Variants in NELL2 observed in about 807,000 individuals in gnomAD.
NELL2 encodes protein kinase C-binding protein NELL2.
In NELL2, 41 loss-of-function variants were observed where a neutral mutation model predicts 109.6. That is an observed-to-expected ratio of 0.37 (90% CI 0.29 to 0.49). The LOEUF is 0.49. Ranked by LOEUF, NELL2 falls within the 20% of genes least tolerant of loss-of-function variation. NELL2 has a pLI of 0.98. For synonymous variants in NELL2, 355 were observed against 344.7 expected, an observed-to-expected ratio of 1.03 and a Z score of -0.33; for missense variants, 900 against 1,008.3, an observed-to-expected ratio of 0.89 and a Z score of 1.45.
upstream of NELL2, among the ~76,000 whole-genome samples, chr12:44,917,486 T>C (rs1424508273): frequency 6.6e-6 from 1 of 152,222 alleles, no homozygotes; most frequent in Non-Finnish European, 1.5e-5. Flanking sequence ...CATGTCTTCC[T>C]GAGCCTTCTC....
At position 44,744,800 on chromosome 12, in the gene NELL2, G is replaced by A. The variant is rs534600621; in HGVS notation, c.994+29947C>T. On this transcript the variant is annotated intron_variant, in intron 9 of 19. Transcript: ENST00000429094. ...GACCAATAACAGGCTCTGAAATTAAGGCAATAATCAATAGCTTACCAACCA... is the reference window on the plus strand; with the variant it reads ...GACCAATAACAGGCTCTGAAATTAAAGCAATAATCAATAGCTTACCAACCA... Among the ~76,000 whole-genome samples, 846 of 152,270 alleles carry A rather than the reference G, an allele frequency of 5.6e-3. 3 individuals are homozygous for A. Among genetic ancestry groups the A allele is most frequent in the Non-Finnish European group, 9.2e-3 (625 of 68,020 alleles).
At position 44,564,908 on chromosome 12, in the gene NELL2, C is replaced by G. The variant is rs145385949; in HGVS notation, c.1664-32187G>C. On this transcript the variant is annotated intron_variant, in intron 15 of 19. Coordinates refer to ENST00000429094, the MANE Select transcript of NELL2 (RefSeq NM_001145108.2). Reference sequence around the variant, plus strand: ...TCAACCCATGCACATTTGGAAGCTCCGCTTGAGAGTTAAACATTGAAAACA... The same window carrying G: ...TCAACCCATGCACATTTGGAAGCTCGGCTTGAGAGTTAAACATTGAAAACA... 5.0e-3 allele frequency among the ~76,000 whole-genome samples: 758 copies of G among 152,250 alleles called. 5 individuals are homozygous for G. The highest frequency in any genetic ancestry group is 8.2e-3 in the Non-Finnish European group (559 of 68,008).
chr12:44,607,792 G>T (rs894591075), intron 14 of NELL2, among the ~76,000 whole-genome samples: 4 of 152,064 alleles, frequency 2.6e-5, no homozygotes, highest in African/African-American at 9.7e-5. Flanking sequence ...AAATTCATTA[G>T]AGTGGTCTTC....
chr12:44,798,540 A>G (rs1942712065), intron 3 of NELL2, among the ~76,000 whole-genome samples: 1 of 152,196 alleles, frequency 6.6e-6, no homozygotes, highest in Non-Finnish European at 1.5e-5. Context: ...AAAGAAATTA[A>G]TGTTCTCTAT....
intron 2 of NELL2, among the ~76,000 whole-genome samples, chr12:44,817,792 C>T (rs899072453): frequency 2.0e-5 from 3 of 152,062 alleles, no homozygotes; most frequent in African/African-American, 7.2e-5. Context: ...ATAAAACAAA[C>T]AAACAAACAA....
At chr12:44,751,459 A>G (rs535378840) in intron 9 of NELL2, among the ~76,000 whole-genome samples, 1 of 152,294 alleles carries the variant, frequency 6.6e-6, no homozygotes, top group East Asian at 1.9e-4. Flanking sequence ...TATTCATCAA[A>G]ATCTAGTATT....
intron 2 of NELL2, among the ~76,000 whole-genome samples, chr12:44,837,082 C>T (rs1944076097): frequency 1.3e-5 from 2 of 152,182 alleles, no homozygotes; most frequent in Non-Finnish European, 2.9e-5. Context: ...ACATAGTGAG[C>T]ATTTTATCAA....
chr12:44,689,691 A>G (rs1306014146), intron 12 of NELL2, among the ~76,000 whole-genome samples: 1 of 152,216 alleles, frequency 6.6e-6, no homozygotes, highest in African/African-American at 2.4e-5. Context: ...ACTGAGAGCA[A>G]TTTTGCTCTT....
rs575714485 is a variant in NELL2, at chr12:44,821,878, C to T, written c.185-5742G>A. On this transcript the variant is annotated intron_variant, in intron 2 of 19. Coordinates refer to ENST00000429094, the MANE Select transcript of NELL2 (RefSeq NM_001145108.2). ...AACTACAAGTGTGCACCACCACGCC[C>T]GGCTGGTTTTATTTATTTATTTATT... Among the ~76,000 whole-genome samples the T allele has an allele frequency of 7.5e-5, 11 of 147,338 alleles. No homozygotes were observed. The South Asian group carries it at 1.6e-3, about 21-fold the overall frequency.
intron 19 of NELL2, among the ~76,000 whole-genome samples, chr12:44,517,457 A>C (rs1941331949): frequency 6.8e-6 from 1 of 147,026 alleles, no homozygotes; most frequent in Admixed American, 6.9e-5. Context: ...CCTTCCCCGA[A>C]GCAGACCATG....
intron 1 of NELL2, among the ~76,000 whole-genome samples, chr12:44,891,905 C>G (rs1460687082): frequency 2.6e-5 from 4 of 152,214 alleles, no homozygotes; most frequent in Non-Finnish European, 5.9e-5. Context: ...GCTAATTATG[C>G]AAATATATTT....
chr12:44,902,519 C>T (rs969653282), intron 1 of NELL2, among the ~76,000 whole-genome samples: 3 of 152,116 alleles, frequency 2.0e-5, no homozygotes, highest in African/African-American at 7.2e-5. Context: ...ATCAAGCTAC[C>T]ATTGACTTTC....
At chr12:44,672,952 G>A (rs615760) in intron 12 of NELL2, among the ~76,000 whole-genome samples, 78,819 of 151,916 alleles carry the variant, frequency 0.52, 21,479 homozygotes, top group East Asian at 0.73. Context: ...AAACAAAAAG[G>A]CTATTGAATA....
At chr12:44,655,574 G>T (rs888316600) in intron 13 of NELL2, among the ~76,000 whole-genome samples, 3 of 152,198 alleles carry the variant, frequency 2.0e-5, no homozygotes, top group Non-Finnish European at 4.4e-5. Context: ...CAGTAACTGT[G>T]GAGACACGTC....
At chr12:44,579,943 C>T (rs1944263344) in intron 15 of NELL2, among the ~76,000 whole-genome samples, 1 of 152,156 alleles carries the variant, frequency 6.6e-6, no homozygotes, top group Non-Finnish European at 1.5e-5. Flanking sequence ...CTCTATGAAA[C>T]TGTTAAACCA....
intron 15 of NELL2, among the ~76,000 whole-genome samples, chr12:44,605,016 C>T (rs556279230): frequency 3.9e-5 from 6 of 152,138 alleles, no homozygotes; most frequent in African/African-American, 1.4e-4. Flanking sequence ...GGTGGCTATT[C>T]GCTGAAATAA....
upstream of NELL2, among the ~76,000 whole-genome samples, chr12:44,879,421 CG>C (rs1474271450): frequency 6.6e-6 from 1 of 150,698 alleles, no homozygotes; most frequent in African/African-American, 2.5e-5. Context: ...TTGACTCTAA[CG>C]ACCCTTAGAT....
At chr12:44,597,888 T>C (rs1361941760) in intron 15 of NELL2, among the ~76,000 whole-genome samples, 1 of 152,094 alleles carries the variant, frequency 6.6e-6, no homozygotes, top group African/African-American at 2.4e-5. Flanking sequence ...GATCTAGAAA[T>C]GTTGAGGGCT....
chr12:44,774,979 G>A, intron 8 of NELL2, 130 bp from the exon 9 acceptor site: 1 of 643,324 alleles, frequency 1.6e-6, no homozygotes. Context: ...ATTGCCAGGA[G>A]GGGAGGCGGT....
Sources: gnomAD v4.1 joint callset for allele counts (sites outside exome capture counted in the v4.1 genomes callset) on GRCh38, gnomAD v4.1.1 for gene constraint, MANE v1.5 for transcripts, NCBI Gene and HGNC (gene_info 2026-07-23, HGNC 2026-07-21) for gene names.